The following KCNMA1 variants were observed in gnomAD, a reference collection of about 807,000 sequenced individuals.
KCNMA1 encodes Calcium-activated potassium channel subunit alpha-1.
Under a neutral mutation model 140.0 loss-of-function variants are expected in KCNMA1, and 29 were observed. That is an observed-to-expected ratio of 0.21 (90% CI 0.15 to 0.28). The LOEUF is 0.28. Ranked by LOEUF, KCNMA1 falls within the 10% of genes least tolerant of loss-of-function variation. KCNMA1 has a pLI of 1.00. For missense variants in KCNMA1, 880 were observed against 1,602.2 expected (o/e 0.55, Z 7.70); for synonymous variants, 612 against 611.9 (o/e 1.00, Z 0.00).
rs1056670292 is a variant in KCNMA1 at position 76,886,459 on chromosome 10, C to G, written c.*807G>C. On this transcript the variant is annotated 3_prime_UTR_variant, in exon 28 of 28. Coordinates refer to ENST00000286628, the MANE Select transcript of KCNMA1 (RefSeq NM_001161352.2). ...AGAAAAAAAATAGCTATTCATATGG[C>G]AACATAAGGAGACAGAATAACAATT... The G allele has an allele frequency of 1.3e-5, 13 of 984,926 alleles. No homozygotes were observed. The Admixed American group carries it at 7.4e-4, about 56-fold the overall frequency. The allele number at this position is 984,926 out of a possible 1,614,324, so 61.0% of individuals were successfully genotyped here.
At chr10:77,549,752 C>T (rs1053781243) in intron 1 of KCNMA1, among the ~76,000 whole-genome samples, 3 of 152,324 alleles carry the variant, frequency 2.0e-5, no homozygotes, top group East Asian at 1.9e-4. Flanking sequence ...AGACAATTAG[C>T]GAAAGGTTAG....
At chr10:77,105,474 C>T (rs980445524) in intron 9 of KCNMA1, among the ~76,000 whole-genome samples, 2 of 152,166 alleles carry the variant, frequency 1.3e-5, no homozygotes, top group Non-Finnish European at 2.9e-5. Flanking sequence ...TCATGAGTTA[C>T]CTTGAGTTCT....
chr10:77,606,702 A>T (rs1363104511), intron 1 of KCNMA1, among the ~76,000 whole-genome samples: 1 of 152,126 alleles, frequency 6.6e-6, no homozygotes, highest in Admixed American at 6.5e-5. Flanking sequence ...GAGGGTCCTG[A>T]GCTGAGGGGA....
intron 13 of KCNMA1, 23 bp from the exon 14 acceptor site, chr10:77,073,275 G>A: frequency 6.2e-7 from 1 of 1,613,140 alleles, no homozygotes. Context: ...AAGCAGGTAT[G>A]AGACCTTGCT....
chr10:77,011,757 A>G (rs2090816514), intron 18 of KCNMA1, among the ~76,000 whole-genome samples: 1 of 152,160 alleles, frequency 6.6e-6, no homozygotes. Context: ...TTTCATTCCT[A>G]GGTGTTGATG....
chr10:77,448,276 T>C (rs2097565782), intron 1 of KCNMA1, among the ~76,000 whole-genome samples: 1 of 152,112 alleles, frequency 6.6e-6, no homozygotes, highest in African/African-American at 2.4e-5. Context: ...TTCCATCGGC[T>C]CCAAATTTAA....
intron 5 of KCNMA1, 94 bp from the exon 6 acceptor site, chr10:77,121,142 AG>A (rs2097582435): frequency 1.3e-6 from 1 of 798,020 alleles, no homozygotes; most frequent in Admixed American, 1.9e-5. Context: ...CAAGGGTCGA[AG>A]GGATGGGAAG....
intron 5 of KCNMA1, among the ~76,000 whole-genome samples, chr10:77,140,116 C>T (rs887326447): frequency 6.6e-6 from 1 of 152,186 alleles, no homozygotes; most frequent in Non-Finnish European, 1.5e-5. Flanking sequence ...TCTGCCTCAC[C>T]CAGCACATCT....
intron 19 of KCNMA1, among the ~76,000 whole-genome samples, chr10:76,990,444 G>A (rs2082409946): frequency 1.3e-5 from 2 of 152,188 alleles, no homozygotes; most frequent in South Asian, 2.1e-4. Flanking sequence ...ACATAGAGAG[G>A]AGGAAATACA....
intron 2 of KCNMA1, among the ~76,000 whole-genome samples, chr10:77,338,150 C>T (rs183392650): frequency 6.6e-6 from 1 of 152,098 alleles, no homozygotes; most frequent in Non-Finnish European, 1.5e-5. Flanking sequence ...GAAAAGGAAA[C>T]AGGACTCAAG....
intron 3 of KCNMA1, among the ~76,000 whole-genome samples, chr10:77,205,365 A>T (rs1003144709): frequency 2.0e-5 from 3 of 152,180 alleles, no homozygotes; most frequent in Non-Finnish European, 4.4e-5. Context: ...TCTCTTGCTG[A>T]TTCATTTCTC....
At chr10:77,049,095 T>C (rs1360013286) in intron 14 of KCNMA1, among the ~76,000 whole-genome samples, 7 of 152,158 alleles carry the variant, frequency 4.6e-5, no homozygotes, top group African/African-American at 7.2e-5. Context: ...GAATCCTTTA[T>C]TTCAAGGAGC....
At chr10:76,908,575 T>C (rs1332462275) in intron 25 of KCNMA1, among the ~76,000 whole-genome samples, 1 of 152,234 alleles carries the variant, frequency 6.6e-6, no homozygotes, top group Non-Finnish European at 1.5e-5. Context: ...TAGAGGTCCT[T>C]CTGGGATTAG....
chr10:77,211,142 C>T (rs1459500250), intron 3 of KCNMA1, among the ~76,000 whole-genome samples: 2 of 151,822 alleles, frequency 1.3e-5, no homozygotes, highest in African/African-American at 2.4e-5. Context: ...AACAAAAAAA[C>T]AAAGCTGGAG....
chr10:77,491,434 G>T (rs369419976), intron 1 of KCNMA1, among the ~76,000 whole-genome samples: 1 of 152,082 alleles, frequency 6.6e-6, no homozygotes, highest in Non-Finnish European at 1.5e-5. Context: ...TTCCCCCCAC[G>T]GCGTGCTATT....
At chr10:77,203,323 A>T (rs962383396) in intron 3 of KCNMA1, among the ~76,000 whole-genome samples, 2 of 152,154 alleles carry the variant, frequency 1.3e-5, no homozygotes, top group African/African-American at 4.8e-5. Flanking sequence ...CTAAGAATGG[A>T]CGGGCTGCTG....
intron 14 of KCNMA1, among the ~76,000 whole-genome samples, chr10:77,052,640 T>G (rs1336496141): frequency 6.7e-6 from 1 of 149,568 alleles, no homozygotes. Flanking sequence ...AAAAGGGTAC[T>G]TATTCAAAAT....
chr10:77,504,991 G>A (rs1023838678), intron 1 of KCNMA1, among the ~76,000 whole-genome samples: 5 of 152,166 alleles, frequency 3.3e-5, no homozygotes, highest in South Asian at 2.1e-4. Context: ...CAGGAGACTC[G>A]GGTCTCCTGA....
At chr10:77,163,045 G>A (rs1212000679) in intron 5 of KCNMA1, among the ~76,000 whole-genome samples, 1 of 152,026 alleles carries the variant, frequency 6.6e-6, no homozygotes, top group African/African-American at 2.4e-5. Context: ...TCAAACATAT[G>A]GATAAATGAA....
Sources: allele counts gnomAD v4.1 joint callset (sites outside exome capture counted in the v4.1 genomes callset), GRCh38; gene constraint gnomAD v4.1.1; transcripts MANE v1.5; gene names NCBI Gene and HGNC (gene_info 2026-07-23, HGNC 2026-07-21).